The following TMEM106A variants were observed in gnomAD, a reference collection of about 807,000 sequenced individuals.
The protein encoded by TMEM106A is transmembrane protein 106A.
Under a neutral mutation model 25.1 loss-of-function variants are expected in TMEM106A, and 22 were observed. The observed-to-expected ratio is 0.88, with a 90% CI of 0.63 to 1.25. The LOEUF (loss-of-function observed/expected upper bound fraction) is 1.25. TMEM106A is among the 50% of genes most tolerant of loss of function. The probability of loss-of-function intolerance (pLI) is 0.00; values close to 1 mark genes in which losing one functional copy is unlikely to be tolerated. For synonymous variants in TMEM106A, 104 were observed against 129.9 expected (o/e 0.80, Z 1.35); for missense variants, 275 against 318.1 (o/e 0.86, Z 1.03).
chr17:43,217,563 G>A (rs2057498137), intron 8 of TMEM106A, 118 bp from the exon 9 acceptor site: 1 of 1,522,142 alleles, frequency 6.6e-7, no homozygotes, highest in South Asian at 1.3e-5. Context: ...GGCAGAGTGG[G>A]GAGCCAGAGG....
Position 43,217,866 on chromosome 17 carries a change from G to A in TMEM106A, c.*65G>A. The stretch of plus-strand genomic sequence containing the variant: ...GGTCTATATCTCCCACAACTCCCTG[G>A]TGACTAAGGAAGGACTACAGAGGCT... On this transcript the variant is annotated 3_prime_UTR_variant, in exon 9 of 9. Coordinates refer to ENST00000612339, the MANE Select transcript of TMEM106A (RefSeq NM_145041.4). 1 of 1,605,568 alleles carries A rather than the reference G, an allele frequency of 6.2e-7. No homozygotes were observed. Among genetic ancestry groups the A allele is most frequent in the South Asian group, 1.1e-5 (1 of 89,628 alleles).
At chr17:43,213,337 C>A in intron 3 of TMEM106A, 85 bp downstream of exon 3, 7 of 1,424,020 alleles carry the variant, frequency 4.9e-6, no homozygotes, top group Non-Finnish European at 6.9e-6. Context: ...TCTGAGTCTC[C>A]TTGGATGGGG....
chr17:43,217,270 C>T lies in TMEM106A; in HGVS notation c.626C>T (p.Thr209Ile). The T allele has an allele frequency of 6.2e-7, 1 of 1,614,196 alleles. No individual in the cohort carries two copies. The highest frequency in any genetic ancestry group is 8.5e-7 in the Non-Finnish European group (1 of 1,180,034). ...IRDENTYKIC[T>I]WLEIKVHHVL... is the part of the protein sequence containing the mutation. ...TTCTTCTCTCTCAGCAAAATCTGTACCTGGCTGGAAATCAAAGTCCACCAT... is the reference window on the plus strand; with the variant it reads ...TTCTTCTCTCTCAGCAAAATCTGTATCTGGCTGGAAATCAAAGTCCACCAT... Residue 209 changes from threonine to isoleucine, a missense_variant, in exon 8 of 9, where the codon ACC (threonine) becomes ATC (isoleucine). Transcript: ENST00000612339.
At chr17:43,214,056 T>G in intron 4 of TMEM106A, 165 bp downstream of exon 4, 1 of 698,828 alleles carries the variant, frequency 1.4e-6, no homozygotes, top group Non-Finnish European at 2.3e-6. Flanking sequence ...TTTTCCTGAT[T>G]TAGAAGCTCC....
At chr17:43,215,738 T>A in intron 4 of TMEM106A, 50 bp from the exon 5 acceptor site, 2 of 1,605,868 alleles carry the variant, frequency 1.2e-6, no homozygotes, top group Non-Finnish European at 1.7e-6. Context: ...CGAGTTTCCT[T>A]GGTGTTCAGA....
Position 43,216,333 on chromosome 17 carries a change from C to G in TMEM106A, c.430-116C>G, listed in dbSNP as rs1598032978. 5.7e-6 allele frequency: 8 copies of G among 1,406,634 alleles called. No homozygotes were observed. In the East Asian group the frequency reaches 1.8e-4, roughly 32 times the overall value. The allele number at this position is 1,406,634 out of a possible 1,614,324, so 87.1% of individuals were successfully genotyped here. A position where few individuals can be genotyped will look rare whatever the true frequency, so the allele number is the denominator to read the frequency against. On this transcript the variant is annotated intron_variant, in intron 5 of 8. Coordinates refer to ENST00000612339, the MANE Select transcript of TMEM106A (RefSeq NM_145041.4). Reference sequence around the variant, plus strand: ...GGCTCCCAGTTTTCATCCTCTGCACCTGAAGCTTGTCATGGTAGATGGGGC... The same window carrying G: ...GGCTCCCAGTTTTCATCCTCTGCACGTGAAGCTTGTCATGGTAGATGGGGC...
rs746721284 is a variant in TMEM106A, at chr17:43,213,862, T to G, written c.246T>G (p.Tyr82Ter). The change falls in exon 4 of 9, where the codon TAT (tyrosine) becomes TAG (stop). Residue 82 changes from tyrosine to a stop codon, truncating the protein, a stop_gained. Transcript: ENST00000612339. LOFTEE classifies it high-confidence loss of function. ...LEKQLVALIP[Y>*]GDQRLKPKHT... is the part of the protein sequence containing the mutation. ...AGCAGTTGGTGGCTCTCATTCCCTA[T>G]GGGGACCAGAGGCTGAAGCCCAAGC... The G allele has an allele frequency of 3.1e-6, 5 of 1,614,092 alleles. No individual in the cohort carries two copies. The Admixed American group carries it at 6.7e-5, about 22-fold the overall frequency.
chr17:43,218,021 C>T lies in TMEM106A; in HGVS notation c.*220C>T. The T allele has an allele frequency of 1.6e-6, 1 of 621,720 alleles. No individual in the cohort carries two copies. Among genetic ancestry groups the T allele is most frequent in the Non-Finnish European group, 2.7e-6 (1 of 375,112 alleles). The allele number at this position is 621,720 out of a possible 1,614,324, so 38.5% of individuals were successfully genotyped here. Reference sequence around the variant, plus strand: ...AGTTTCCCCCAGATTCTTTCAGGGGCTGCCATCAGATTCTGCCCTTGGTTA... The same window carrying T: ...AGTTTCCCCCAGATTCTTTCAGGGGTTGCCATCAGATTCTGCCCTTGGTTA... On this transcript the variant is annotated 3_prime_UTR_variant, in exon 9 of 9. Coordinates refer to ENST00000612339, the MANE Select transcript of TMEM106A (RefSeq NM_145041.4).
chr17:43,214,263 G>A (rs1001576724), intron 4 of TMEM106A, among the ~76,000 whole-genome samples: 1 of 151,528 alleles, frequency 6.6e-6, no homozygotes, highest in Non-Finnish European at 1.5e-5. Flanking sequence ...GGGCACAGCA[G>A]ATGTCACTTG....
At chr17:43,216,037 A>G (rs2057482683) in intron 5 of TMEM106A, 96 bp downstream of exon 5, 2 of 1,483,924 alleles carry the variant, frequency 1.3e-6, no homozygotes, top group Non-Finnish European at 9.2e-7. Flanking sequence ...GAAGCCAGAG[A>G]TCTTATGGCA....
chr17:43,216,050 C>G (rs1424542150), intron 5 of TMEM106A, 109 bp downstream of exon 5: 2 of 1,424,714 alleles, frequency 1.4e-6, no homozygotes, highest in Non-Finnish European at 1.9e-6. Flanking sequence ...TTATGGCACC[C>G]AGAGGGTGTT....
rs774271722 is a variant in TMEM106A at position 43,216,486 on chromosome 17, T to C, written c.467T>C (p.Ile156Thr). Reference protein sequence around the residue: ...LNISNGNYYPIMVTQLTLEVL... With the variant: ...LNISNGNYYPTMVTQLTLEVL... ...ATCTCCAATGGCAACTACTACCCCA[T>C]TATGGTGACACAGCTGACCCTCGAG... Residue 156 changes from isoleucine to threonine, a missense_variant, in exon 6 of 9, where the codon ATT (isoleucine) becomes ACT (threonine). Ile to Thr is a moderately conservative substitution (Grantham distance 89). Transcript: ENST00000612339. The C allele has an allele frequency of 5.7e-5, 92 of 1,614,080 alleles. No individual in the cohort carries two copies. The highest frequency in any genetic ancestry group is 7.6e-5 in the Non-Finnish European group (90 of 1,180,040).
At chr17:43,216,229 G>A in intron 5 of TMEM106A, 1 of 685,918 alleles carries the variant, frequency 1.5e-6, no homozygotes, top group Non-Finnish European at 2.5e-6. Context: ...ATGGAAAGAA[G>A]CTGTACAGGA....
At position 43,217,979 on chromosome 17, in the gene TMEM106A, A is replaced by G. The variant is rs1190674286; in HGVS notation, c.*178A>G. The G allele has an allele frequency of 1.2e-6, 1 of 805,010 alleles. No individual in the cohort carries two copies. The highest frequency in any genetic ancestry group is 2.4e-5 in the Admixed American group (1 of 41,396). The allele number at this position is 805,010 out of a possible 1,614,324, so 49.9% of individuals were successfully genotyped here. ...TTGCTTTGAAGTTAACTTCATACACACACACTCATATCCTCCAGTTTCCCC... is the reference window on the plus strand; with the variant it reads ...TTGCTTTGAAGTTAACTTCATACACGCACACTCATATCCTCCAGTTTCCCC... On this transcript the variant is annotated 3_prime_UTR_variant, in exon 9 of 9. Coordinates refer to ENST00000612339, the MANE Select transcript of TMEM106A (RefSeq NM_145041.4).
intron 3 of TMEM106A, 100 bp downstream of exon 3, chr17:43,213,352 A>C (rs937882274): frequency 8.1e-5 from 101 of 1,249,710 alleles, no homozygotes; most frequent in Non-Finnish European, 1.1e-4. Flanking sequence ...ATGGGGTTAG[A>C]TCTGCTCCCA....
In TMEM106A at chr17:43,213,255, G is replaced by T; in HGVS notation, c.211+3G>T. On this transcript the variant is annotated splice_donor_region_variant and intron_variant, in intron 3 of 8. Transcript: ENST00000612339. ...GGGCAGTGGCAAGATTCCCCAAGGT[G>T]AGTGGCCCAAGGCTCTGGAAATAGC... 6.2e-7 allele frequency: 1 copy of T among 1,614,090 alleles called. No individual in the cohort carries two copies. Among genetic ancestry groups the T allele is most frequent in the South Asian group, 1.1e-5 (1 of 91,064 alleles).
At chr17:43,215,620 A>G (rs1293494127) in intron 4 of TMEM106A, among the ~76,000 whole-genome samples, 168 bp from the exon 5 acceptor site, 2 of 152,112 alleles carry the variant, frequency 1.3e-5, no homozygotes, top group East Asian at 3.8e-4. Flanking sequence ...CTGCCTGCCA[A>G]TCCTGTGCTC....
Position 43,217,766 on chromosome 17 carries a change from T to C in TMEM106A, c.754T>C (p.Ser252Pro). ...ATATGTGGACTGCCGAGGAAACGCATCTGTGCCCCACCAGCTGACCCCTCA... is the reference window on the plus strand; with the variant it reads ...ATATGTGGACTGCCGAGGAAACGCACCTGTGCCCCACCAGCTGACCCCTCA... ...YEYVDCRGNASVPHQLTPHPP is the reference protein window; with the variant it reads ...YEYVDCRGNAPVPHQLTPHPP Residue 252 changes from serine (S) to proline (P), a missense_variant, in exon 9 of 9, where the codon TCT becomes CCT. Coordinates refer to ENST00000612339, the MANE Select transcript of TMEM106A (RefSeq NM_145041.4). 2 of 1,614,134 alleles carry C rather than the reference T, an allele frequency of 1.2e-6. No individual in the cohort carries two copies. Among genetic ancestry groups the C allele is most frequent in the Non-Finnish European group, 1.7e-6 (2 of 1,180,014 alleles).
intron 7 of TMEM106A, chr17:43,216,943 GA>G (rs2057492488): frequency 4.4e-6 from 3 of 683,304 alleles, no homozygotes; most frequent in Non-Finnish European, 7.5e-6. Flanking sequence ...AAACAGGCTG[GA>G]ATTTGGTTAA....
Sources: allele counts gnomAD v4.1 joint callset (sites outside exome capture counted in the v4.1 genomes callset), GRCh38; gene constraint gnomAD v4.1.1; transcripts MANE v1.5; gene names NCBI Gene and HGNC (gene_info 2026-07-23, HGNC 2026-07-21).